The following LANCL3 variants were observed in gnomAD, a reference collection of about 807,000 sequenced individuals.
The protein encoded by LANCL3 is lanC-like protein 3.
Under a neutral mutation model 26.5 loss-of-function variants are expected in LANCL3, and 19 were observed. The ratio of observed to expected loss-of-function variants is 0.72; its 90% CI spans 0.50 to 1.05. LANCL3 has a LOEUF of 1.05. Among genes scored for constraint, LANCL3 ranks in the 50% least tolerant of loss-of-function variants. The pLI is 0.00. For synonymous variants in LANCL3, 160 were observed against 166.6 expected (o/e 0.96, Z 0.30); for missense variants, 318 against 362.7 (o/e 0.88, Z 1.00).
At chrX:37,606,428 C>T (rs1285579882) in intron 1 of LANCL3, among the ~76,000 whole-genome samples, 1 of 112,284 alleles carries the variant, frequency 8.9e-6, no homozygotes, top group Non-Finnish European at 1.9e-5. Context: ...AAGGACCAAC[C>T]TTGCAAGCAG....
intron 1 of LANCL3, among the ~76,000 whole-genome samples, chrX:37,640,932 G>A (rs1925846932): frequency 9.0e-6 from 1 of 111,537 alleles, no homozygotes; most frequent in Non-Finnish European, 1.9e-5. Flanking sequence ...TGGCCATGGT[G>A]TCACTTTTGT....
intron 1 of LANCL3, among the ~76,000 whole-genome samples, chrX:37,639,826 GTTTGTTTTGT>G (rs201512003): frequency 0.17 from 18,791 of 109,588 alleles, 1,242 homozygotes; most frequent in African/African-American, 0.2. Flanking sequence ...ATCTCTGTTT[GTTTGTTTTGT>G]TTTGTTTTGT....
intron 1 of LANCL3, among the ~76,000 whole-genome samples, chrX:37,626,968 G>A (rs781836338): frequency 8.9e-6 from 1 of 111,941 alleles, no homozygotes; most frequent in Non-Finnish European, 1.9e-5. Flanking sequence ...TGGGAAGGCT[G>A]TGTTGGACCT....
chrX:37,626,859 G>A (rs782815234), intron 1 of LANCL3, among the ~76,000 whole-genome samples: 9 of 111,864 alleles, frequency 8.0e-5, no homozygotes, highest in Admixed American at 2.9e-4. Flanking sequence ...AATGGTCCAG[G>A]AATGTGAATT....
intron 2 of LANCL3, among the ~76,000 whole-genome samples, chrX:37,657,766 G>A (rs934405978): frequency 1.8e-5 from 2 of 110,330 alleles, no homozygotes; most frequent in Non-Finnish European, 3.8e-5. Flanking sequence ...CAACAATTTC[G>A]AATCCAGCAA....
At chrX:37,631,883 A>G (rs782347277) in intron 1 of LANCL3, among the ~76,000 whole-genome samples, 154 of 110,259 alleles carry the variant, frequency 1.4e-3, no homozygotes, top group African/African-American at 4.7e-3. Context: ...TATGTGGTCA[A>G]TTTTGGAATA....
rs190978096 is a variant in LANCL3, at chrX:37,610,387, T to C, written c.573+37944T>C. Among the ~76,000 whole-genome samples, 5 of 112,104 alleles carry C rather than the reference T, an allele frequency of 4.5e-5. No homozygotes were observed. The East Asian group carries it at 1.4e-3, about 31-fold the overall frequency. On this transcript the variant is annotated intron_variant, in intron 1 of 4. Transcript: ENST00000378619. The stretch of plus-strand genomic sequence containing the variant: ...AATCACAGTGGCCATTGAGGCTCAA[T>C]GGGAAAGAGAGTGGCAAGGTGCTAC...
chrX:37,573,921 C>G (rs1482342292), intron 1 of LANCL3, among the ~76,000 whole-genome samples: 5 of 108,206 alleles, frequency 4.6e-5, no homozygotes, highest in African/African-American at 1.7e-4. Context: ...TTCTGCAACA[C>G]TGATCCACAC....
At chrX:37,628,426 T>G (rs1302798910) in intron 1 of LANCL3, among the ~76,000 whole-genome samples, 1 of 111,127 alleles carries the variant, frequency 9.0e-6, no homozygotes, top group Admixed American at 9.5e-5. Context: ...ATGTAATGTG[T>G]GATTTTTTTC....
intron 1 of LANCL3, among the ~76,000 whole-genome samples, chrX:37,631,783 G>A (rs1435912213): frequency 9.0e-6 from 1 of 111,364 alleles, no homozygotes; most frequent in Admixed American, 9.5e-5. Flanking sequence ...TCTTAATCCT[G>A]AGTTCCAGTT....
chrX:37,663,778 A>G (rs1404734992), intron 3 of LANCL3, among the ~76,000 whole-genome samples: 1 of 111,037 alleles, frequency 9.0e-6, no homozygotes, highest in Non-Finnish European at 1.9e-5. Context: ...CCTTCCTTTG[A>G]TTGGCTGTAA....
In LANCL3 at chrX:37,682,855, T is replaced by C. The variant is rs1556438851; in HGVS notation, c.*7042T>C. 1 of 112,171 alleles carries C rather than the reference T, an allele frequency of 8.9e-6. No homozygotes were observed. Among genetic ancestry groups the C allele is most frequent in the Non-Finnish European group, 1.9e-5 (1 of 53,214 alleles). The allele number at this position is 112,171 out of a possible 1,213,427, so 9.2% of individuals were successfully genotyped here. A position where few individuals can be genotyped will look rare whatever the true frequency, so the allele number is the denominator to read the frequency against. ...TATTCTAAGTGCAGAAGTTTGGTTT[T>C]AGAATCTGTTAAGGAAGGACGGCCC... On this transcript the variant is annotated 3_prime_UTR_variant, in exon 5 of 5. Transcript: ENST00000378619.
At chrX:37,650,724 CTCTT>C (rs2146775220) in intron 1 of LANCL3, among the ~76,000 whole-genome samples, 1 of 107,699 alleles carries the variant, frequency 9.3e-6, no homozygotes. Context: ...TCCTTTCACT[CTCTT>C]TTTTTTTTCT....
intron 1 of LANCL3, among the ~76,000 whole-genome samples, chrX:37,633,109 G>T (rs1377170996): frequency 2.8e-5 from 3 of 108,786 alleles, no homozygotes; most frequent in Non-Finnish European, 3.8e-5. Context: ...TGTAGATTTG[G>T]TCTTTTCACA....
At chrX:37,575,444 T>C (rs1185381014) in intron 1 of LANCL3, among the ~76,000 whole-genome samples, 1 of 111,781 alleles carries the variant, frequency 8.9e-6, no homozygotes, top group Non-Finnish European at 1.9e-5. Context: ...ATGCCCAGCT[T>C]TGTGTGTGTT....
At chrX:37,664,008 G>A (rs1190696086) in intron 3 of LANCL3, among the ~76,000 whole-genome samples, 1 of 111,934 alleles carries the variant, frequency 8.9e-6, no homozygotes, top group African/African-American at 3.2e-5. Context: ...TTGTATCCCT[G>A]TGTCATCCCT....
At chrX:37,641,421 G>C (rs1472403334) in intron 1 of LANCL3, among the ~76,000 whole-genome samples, 1 of 110,032 alleles carries the variant, frequency 9.1e-6, no homozygotes, top group African/African-American at 3.3e-5. Flanking sequence ...TTCCAACCAT[G>C]GTTACCAGAC....
intron 3 of LANCL3, among the ~76,000 whole-genome samples, chrX:37,660,737 A>G (rs1241408885): frequency 2.7e-5 from 3 of 111,410 alleles, no homozygotes; most frequent in Non-Finnish European, 5.6e-5. Flanking sequence ...CCTCCCATTA[A>G]TTAATGGTCT....
chrX:37,631,093 C>T (rs782195789), intron 1 of LANCL3, among the ~76,000 whole-genome samples: 2 of 111,463 alleles, frequency 1.8e-5, no homozygotes, highest in African/African-American at 6.5e-5. Context: ...GACTCTTTTT[C>T]GTTGGTAAGC....
Sources: allele counts gnomAD v4.1 joint callset (sites outside exome capture counted in the v4.1 genomes callset), GRCh38; gene constraint gnomAD v4.1.1; transcripts MANE v1.5; gene names NCBI Gene and HGNC (gene_info 2026-07-23, HGNC 2026-07-21).